Variants in LCT observed in about 807,000 individuals in gnomAD.
LCT encodes the protein lactase/phlorizin hydrolase.
Under a neutral mutation model 173.0 loss-of-function variants are expected in LCT, and 90 were observed. The ratio of observed to expected loss-of-function variants is 0.52; its 90% confidence interval spans 0.44 to 0.62. The LOEUF (loss-of-function observed/expected upper bound fraction) is 0.62. Ranked by LOEUF, LCT falls within the 20% of genes least tolerant of loss-of-function variation. The probability of loss-of-function intolerance (pLI) is 0.00; values close to 1 mark genes in which losing one functional copy is unlikely to be tolerated. For synonymous variants in LCT, 853 were observed against 957.6 expected (o/e 0.89, Z 2.02); for missense variants, 1,864 against 2,431.4 (o/e 0.77, Z 4.91).
In LCT at chr2:135,809,708, G is replaced by T; in HGVS notation, c.2639C>A (p.Ala880Asp). The T allele has an allele frequency of 6.2e-7, 1 of 1,614,252 alleles. No individual in the cohort carries two copies. The stretch of plus-strand genomic sequence containing the variant: ...GGAGAACTTTTCCCAAACGACTTTA[G>T]CCTTGGAGGGCACCTCAGATGGAAA... ...FTFPSEVPSK[A>D]KVVWEKFSSQ... Residue 880 changes from alanine to aspartate, a missense_variant, in exon 8 of 17, where the codon GCT becomes GAT. By Grantham distance (126) the Ala-to-Asp change is moderately radical. Around this residue, in one of 4 missense-constraint regions of LCT, gnomAD observed 755 missense variants for 926.3 expected, o/e 0.82. Coordinates refer to ENST00000264162, the MANE Select transcript of LCT (RefSeq NM_002299.4). This position sits in a 1 kb window ranked among gnomAD's most constrained non-coding sequence, Gnocchi z 5.5.
chr2:135,789,907 A>G, intron 15 of LCT, 109 bp from the exon 16 acceptor site: 1 of 862,024 alleles, frequency 1.2e-6, no homozygotes, highest in Non-Finnish European at 2.0e-6. Flanking sequence ...GCCTTCACAG[A>G]TGGCGGTAAG....
At position 135,808,746 on chromosome 2, in the gene LCT, C is replaced by T. The variant is rs771879866; in HGVS notation, c.3601G>A (p.Ala1201Thr). 2 of 1,614,160 alleles carry T rather than the reference C, an allele frequency of 1.2e-6. No individual in the cohort carries two copies. Among genetic ancestry groups the T allele is most frequent in the Non-Finnish European group, 8.5e-7 (1 of 1,180,000 alleles). ...TACGTGTTGAGGCAGAAGACGTCGG[C>T]CGTCGCCCTGATGAACCTCTTCTCT... ...EEEKRFIRAT[A>T]DVFCLNTYYS... The change falls in exon 8 of 17, where the codon GCC becomes ACC. Residue 1201 changes from alanine to threonine, a missense_variant. By Grantham distance (58) the Ala-to-Thr change is moderately conservative. Around this residue, in one of 4 missense-constraint regions of LCT, gnomAD observed 755 missense variants for 926.3 expected, o/e 0.82. Coordinates refer to ENST00000264162, the MANE Select transcript of LCT (RefSeq NM_002299.4).
Position 135,836,727 on chromosome 2 carries a change from G to A in LCT, c.443C>T (p.Ala148Val), listed in dbSNP as rs376267150. 1 of 1,614,078 alleles carries A rather than the reference G, an allele frequency of 6.2e-7. No homozygotes were observed. The highest frequency in any genetic ancestry group is 1.3e-5 in the African/African-American group (1 of 74,920). ...TGTGGCATAGTCGGCGAAGAGGTCA[G>A]CAAAGGCTTCGGTTCTCCGGAGGGT... The part of the protein sequence containing the change: ...ASTLRRTEAF[A>V]DLFADYATFA... The change falls in exon 1 of 17, where the codon GCT becomes GTT. Residue 148 changes from alanine to valine, a missense_variant. This residue lies in a region of LCT where 412 missense variants were observed against 462.0 expected (regional missense o/e 0.89). Coordinates refer to ENST00000264162, the MANE Select transcript of LCT (RefSeq NM_002299.4).
chr2:135,835,108 G>A (rs1012982549), intron 1 of LCT, among the ~76,000 whole-genome samples: 3 of 151,882 alleles, frequency 2.0e-5, no homozygotes, highest in Non-Finnish European at 4.4e-5. Context: ...TTATAGATAG[G>A]AATGTCATTG....
intron 14 of LCT, among the ~76,000 whole-genome samples, chr2:135,792,502 G>A (rs1002214933): frequency 6.6e-6 from 1 of 152,248 alleles, no homozygotes; most frequent in Non-Finnish European, 1.5e-5. Context: ...CTTTCTCAGA[G>A]AGAAGGCTTG....
chr2:135,803,881 C>T (rs1375766532), intron 11 of LCT, 49 bp downstream of exon 11: 1 of 1,538,418 alleles, frequency 6.5e-7, no homozygotes, highest in African/African-American at 1.4e-5. Flanking sequence ...TCTTGATGTG[C>T]TAAGAATGCC....
At chr2:135,794,840 A>C (rs1270630820) in intron 13 of LCT, 65 bp from the exon 14 acceptor site, 1 of 1,596,946 alleles carries the variant, frequency 6.3e-7, no homozygotes, top group Non-Finnish European at 8.6e-7. Context: ...AGAGAACGTC[A>C]TAGGGCTGGG....
intron 3 of LCT, among the ~76,000 whole-genome samples, chr2:135,824,590 T>C (rs1363911732): frequency 6.6e-6 from 1 of 152,142 alleles, no homozygotes; most frequent in East Asian, 1.9e-4. Context: ...ATAGAAGTTA[T>C]AGGTTAGGTG....
At chr2:135,797,885 G>A in intron 13 of LCT, 144 bp downstream of exon 13, 1 of 688,146 alleles carries the variant, frequency 1.5e-6, no homozygotes, top group East Asian at 2.7e-5. Flanking sequence ...ATATAGCAGT[G>A]CCAGGTGCTG....
Position 135,829,606 on chromosome 2 carries a change from A to G in LCT, c.791T>C (p.Leu264Pro). 6.2e-7 allele frequency: 1 copy of G among 1,613,034 alleles called. No individual in the cohort carries two copies. Among genetic ancestry groups the G allele is most frequent in the Middle Eastern group, 1.7e-4 (1 of 6,060 alleles). Residue 264 changes from leucine to proline, a missense_variant, in exon 3 of 17, where the codon CTG (leucine) becomes CCG (proline). Leu to Pro is a moderately conservative substitution (Grantham distance 98). Transcript: ENST00000264162. Reference sequence around the variant, plus strand: ...GGCTCAAATTACCTGCAATTTACTCAGCTTCTGCCGCAGACTTGCCTCATT... The same window carrying G: ...GGCTCAAATTACCTGCAATTTACTCGGCTTCTGCCGCAGACTTGCCTCATT... ...CQNEASLRQK[L>P]SKLQTIEPKV...
At position 135,805,076 on chromosome 2, in the gene LCT, G is replaced by A. The variant is rs754487360; in HGVS notation, c.4174-19C>T. On this transcript the variant is annotated intron_variant, in intron 9 of 16. Transcript: ENST00000264162. ...CTTCAATCTCAAGATGACAAGACAT[G>A]GTCTTATTAAGTCATTCAGTCAAGC... 2.0e-5 allele frequency: 32 copies of A among 1,612,740 alleles called. No homozygotes were observed. Among genetic ancestry groups the A allele is most frequent in the Non-Finnish European group, 2.6e-5 (31 of 1,178,752 alleles).
intron 14 of LCT, among the ~76,000 whole-genome samples, chr2:135,792,505 A>G (rs1575330069): frequency 1.3e-5 from 2 of 152,298 alleles, no homozygotes; most frequent in East Asian, 3.9e-4. Flanking sequence ...TCTCAGAGAG[A>G]AGGCTTGTGG....
rs886054869 is a variant in LCT, at chr2:135,833,188, C to A, written c.643G>T (p.Gly215Ter). Residue 215 changes from glycine (G) to a stop codon, truncating the protein, a stop_gained and splice_region_variant, in exon 2 of 17, where the codon GGA becomes TGA. Transcript: ENST00000264162. LOFTEE classifies it high-confidence loss of function. ...GCTCGCAGGACAACAGAGAGTTTTC[C>A]GCCTGAAACCAACCAGAGACACGAA... ...IYHESYAFQG[G>*]KLSVVLRAED... 6.2e-7 allele frequency: 1 copy of A among 1,613,390 alleles called. No homozygotes were observed.
chr2:135,789,727 C>A lies in LCT; in HGVS notation c.5407G>T (p.Gly1803Cys), dbSNP rs2077519387. 1 of 1,614,238 alleles carries A rather than the reference C, an allele frequency of 6.2e-7. No homozygotes were observed. ...SAMDNFEWATGFSERFGLHFV... is the reference protein window; with the variant it reads ...SAMDNFEWATCFSERFGLHFV... The stretch of plus-strand genomic sequence containing the variant: ...TGCAGACCAAATCTCTCTGAAAAGC[C>A]TGTGGCCCACTCAAAATTGTCCATC... Residue 1803 changes from glycine (G) to cysteine (C), a missense_variant, in exon 16 of 17, where the codon GGC becomes TGC. Around this residue, in one of 4 missense-constraint regions of LCT, gnomAD observed 514 missense variants for 750.1 expected, o/e 0.69. Coordinates refer to ENST00000264162, the MANE Select transcript of LCT (RefSeq NM_002299.4).
At chr2:135,794,195 A>G (rs2077558060) in intron 14 of LCT, 1 of 156,456 alleles carries the variant, frequency 6.4e-6, no homozygotes, top group South Asian at 1.8e-4. Context: ...ATCTTTTACT[A>G]TCTCTACTTC....
Position 135,788,293 on chromosome 2 carries a change from C to A in LCT, c.*31G>T. 1 of 1,500,936 alleles carries A rather than the reference C, an allele frequency of 6.7e-7. No individual in the cohort carries two copies. The highest frequency in any genetic ancestry group is 9.2e-7 in the Non-Finnish European group (1 of 1,081,118). The allele number at this position is 1,500,936 out of a possible 1,614,324, so 93.0% of individuals were successfully genotyped here. ...GGTAAACATAGATGAAGAAACTAGG[C>A]CTGCTTCATAGAACTTGAGGTGGTA... On this transcript the variant is annotated 3_prime_UTR_variant, in exon 17 of 17. Transcript: ENST00000264162.
At position 135,809,137 on chromosome 2, in the gene LCT, T is replaced by A; in HGVS notation, c.3210A>T (p.Ala1070=). The stretch of plus-strand genomic sequence containing the variant: ...ATTCCCCTGAGCCATAACCTAGCCA[T>A]GCCAGGTACATGGGCTCATTAAAAG... ...WMTFNEPMYL[A]WLGYGSGEFP... Residue 1070 remains alanine, a synonymous_variant, in exon 8 of 17, where the codon GCA becomes GCT. Coordinates refer to ENST00000264162, the MANE Select transcript of LCT (RefSeq NM_002299.4). This position sits in a 1 kb window ranked among gnomAD's most constrained non-coding sequence, Gnocchi z 5.5. 6.2e-7 allele frequency: 1 copy of A among 1,614,180 alleles called. No individual in the cohort carries two copies. The highest frequency in any genetic ancestry group is 8.5e-7 in the Non-Finnish European group (1 of 1,180,016).
At chr2:135,821,832 T>G in intron 5 of LCT, 188 bp downstream of exon 5, 1 of 589,668 alleles carries the variant, frequency 1.7e-6, no homozygotes, top group Non-Finnish European at 3.0e-6. Context: ...CAGAACCTCG[T>G]GAGTCCCACT....
At chr2:135,802,950 A>G (rs1166511839) in intron 11 of LCT, among the ~76,000 whole-genome samples, 1 of 151,970 alleles carries the variant, frequency 6.6e-6, no homozygotes, top group African/African-American at 2.4e-5. Context: ...CATTTCTACT[A>G]AAAATACAAA....
Sources: gnomAD v4.1 joint callset for allele counts (sites outside exome capture counted in the v4.1 genomes callset) on GRCh38, gnomAD v4.1.1 for gene constraint, gnomAD v4.1.1 regional missense constraint, Gnocchi (gnomAD v3.1) non-coding constraint, MANE v1.5 for transcripts, NCBI Gene and HGNC (gene_info 2026-07-23, HGNC 2026-07-21) for gene names.